Variants in GSTZ1 observed in about 807,000 individuals in gnomAD.
GSTZ1 encodes the protein glutathione S-transferase zeta 1.
A neutral mutation model predicts 35.9 loss-of-function variants in GSTZ1; 34 were observed. The ratio of observed to expected loss-of-function variants is 0.95; its 90% CI spans 0.72 to 1.26. The LOEUF (loss-of-function observed/expected upper bound fraction) is 1.26, where lower values mean the gene tolerates loss of function less well. Among genes scored for constraint, GSTZ1 ranks in the 50% most tolerant of loss-of-function variants. The pLI is 0.00. For synonymous variants in GSTZ1, 93 were observed against 101.2 expected (o/e 0.92, Z 0.49); for missense variants, 263 against 271.7 (o/e 0.97, Z 0.23).
chr14:77,322,627 A>C, intron 1 of GSTZ1: 1 of 984,816 alleles, frequency 1.0e-6, no homozygotes. Context: ...GCATCTCCAA[A>C]TAAGGAAGAT....
rs537315946 is a variant in GSTZ1 at position 77,324,815 on chromosome 14, A to G, written c.16-55A>G. ...AGGAAGAAATGGTTGACTCCTCCCA[A>G]GCTGGAGCCCACCCAGCATGGGTTA... On this transcript the variant is annotated intron_variant, in intron 1 of 8. Coordinates refer to ENST00000216465, the MANE Select transcript of GSTZ1 (RefSeq NM_145870.3). 2.1e-5 allele frequency: 33 copies of G among 1,534,986 alleles called. No homozygotes were observed. In the African/African-American group the frequency reaches 3.9e-4, roughly 18 times the overall value.
chr14:77,331,173 C>T lies in GSTZ1; in HGVS notation c.629C>T (p.Thr210Ile), dbSNP rs761499186. The change falls in exon 9 of 9, where the codon ACA (threonine) becomes ATA (isoleucine). Residue 210 changes from threonine to isoleucine, a missense_variant. Physicochemically the swap from Thr to Ile is moderately conservative, Grantham distance 89. Coordinates refer to ENST00000216465, the MANE Select transcript of GSTZ1 (RefSeq NM_145870.3). The stretch of plus-strand genomic sequence containing the variant: ...TCTCACCCCTGCCGGCAGCCAGATA[C>T]ACCCACTGAGCTGAGGGCCTAGCTC... ...QVSHPCRQPD[T>I]PTELRA is the part of the protein sequence containing the mutation. 10 of 1,613,882 alleles carry T rather than the reference C, an allele frequency of 6.2e-6. 1 individual carries two copies. The Admixed American group carries it at 1.7e-4, about 27-fold the overall frequency.
At chr14:77,330,990 C>G (rs1042401673) in intron 8 of GSTZ1, 79 bp from the exon 9 acceptor site, 1 of 1,438,202 alleles carries the variant, frequency 7.0e-7, no homozygotes, top group Non-Finnish European at 9.6e-7. Context: ...AGCCCTGCCT[C>G]TCTGCTCCCC....
Position 77,324,138 on chromosome 14 carries a change from T to A in GSTZ1, c.16-732T>A, listed in dbSNP as rs186395165. ...AGGAGCGTAAGAAACTTCCTGCGAG[T>A]TGGAAAAAAATGCCTTTTTTTTTTT... On this transcript the variant is annotated intron_variant, in intron 1 of 8. Transcript: ENST00000216465. 2.3e-4 allele frequency: 37 copies of A among 164,194 alleles called. No individual in the cohort carries two copies. In the East Asian group the frequency reaches 5.4e-3, roughly 24 times the overall value. 10.2% of individuals were successfully genotyped at this position (164,194 alleles called of 1,614,324 possible). A position where few individuals can be genotyped will look rare whatever the true frequency, so the allele number is the denominator to read the frequency against.
In GSTZ1 at chr14:77,327,428, A is replaced by C. The variant is rs1258293602; in HGVS notation, c.136-44A>C. 5.3e-6 allele frequency: 7 copies of C among 1,310,398 alleles called. No homozygotes were observed. In the South Asian group the frequency reaches 7.3e-5, roughly 14 times the overall value. The allele number at this position is 1,310,398 out of a possible 1,614,324, so 81.2% of individuals were successfully genotyped here. A position where few individuals can be genotyped will look rare whatever the true frequency, so the allele number is the denominator to read the frequency against. On this transcript the variant is annotated intron_variant, in intron 3 of 8. Transcript: ENST00000216465. ...TGCTTGCTTGGCTTTCCTCTGGCCA[A>C]CTCAGGCCAGGCCACCCAGCCCACC...
intron 8 of GSTZ1, 95 bp from the exon 9 acceptor site, chr14:77,330,974 T>A: frequency 7.9e-7 from 1 of 1,262,210 alleles, no homozygotes; most frequent in Non-Finnish European, 1.1e-6. Context: ...TCCCTCGACC[T>A]CATCCAGCCC....
At chr14:77,330,092 T>A in intron 7 of GSTZ1, 1 of 693,838 alleles carries the variant, frequency 1.4e-6, no homozygotes, top group East Asian at 2.7e-5. Flanking sequence ...ACCCACAGAG[T>A]TGGTTGTCAG....
At chr14:77,329,092 C>T (rs756710006) in intron 5 of GSTZ1, 31 bp from the exon 6 acceptor site, 9 of 1,507,586 alleles carry the variant, frequency 6.0e-6, no homozygotes, top group East Asian at 2.3e-5. Flanking sequence ...CAGCTGTCAG[C>T]GCAATCACAG....
rs1892606683 is a variant in GSTZ1 at position 77,331,111 on chromosome 14, C to T, written c.567C>T (p.Ile189=). 6.8e-6 allele frequency: 11 copies of T among 1,613,722 alleles called. No homozygotes were observed. The highest frequency in any genetic ancestry group is 8.5e-6 in the Non-Finnish European group (10 of 1,179,708). The change falls in exon 9 of 9, where the codon ATC becomes ATT. Residue 189 remains isoleucine, a synonymous_variant. Coordinates refer to ENST00000216465, the MANE Select transcript of GSTZ1 (RefSeq NM_145870.3). ...DLTPYPTISS[I]NKRLLVLEAF... ...CCCCCTACCCTACCATCAGCTCCATCAACAAGAGGCTGCTGGTCTTGGAGG... is the reference window on the plus strand; with the variant it reads ...CCCCCTACCCTACCATCAGCTCCATTAACAAGAGGCTGCTGGTCTTGGAGG...
chr14:77,327,152 G>T lies in GSTZ1; in HGVS notation c.135+247G>T, dbSNP rs1892361481. 3 of 527,326 alleles carry T rather than the reference G, an allele frequency of 5.7e-6. No homozygotes were observed. The Admixed American group carries it at 1.2e-4, about 20-fold the overall frequency. The allele number at this position is 527,326 out of a possible 1,614,324, so 32.7% of individuals were successfully genotyped here. A position where few individuals can be genotyped will look rare whatever the true frequency, so the allele number is the denominator to read the frequency against. On this transcript the variant is annotated intron_variant, in intron 3 of 8. Coordinates refer to ENST00000216465, the MANE Select transcript of GSTZ1 (RefSeq NM_145870.3). ...GCTCTCCAGTGCCTGACCCTGGGAG[G>T]GTGGGTGGCTAGTGGGTCCCCACCC... is the stretch of plus-strand genomic sequence containing the variant.
chr14:77,326,878 C>CA lies in GSTZ1; in HGVS notation c.110dup (p.Asn37LysfsTer12). 6.2e-7 allele frequency: 1 copy of CA among 1,606,886 alleles called. No homozygotes were observed. Among genetic ancestry groups the CA allele is most frequent in the Non-Finnish European group, 8.5e-7 (1 of 1,175,960 alleles). ...GCATCGACTACGAGACGGTGCCCAT[C>CA]AATCTCATAAAGGATGGGGGCCAAC... On this transcript the variant is annotated frameshift_variant, in exon 3 of 9. Transcript: ENST00000216465. LOFTEE classifies it high-confidence loss of function.
intron 5 of GSTZ1, 50 bp from the exon 6 acceptor site, chr14:77,329,073 G>A (rs1370696999): frequency 3.0e-6 from 4 of 1,311,652 alleles, no homozygotes; most frequent in African/African-American, 1.4e-5. Flanking sequence ...CGAAGGGGTA[G>A]CCCCCACCCA....
At chr14:77,329,285 A>G (rs1328143379) in intron 6 of GSTZ1, 84 bp downstream of exon 6, 8 of 940,966 alleles carry the variant, frequency 8.5e-6, no homozygotes, top group Non-Finnish European at 1.2e-5. Flanking sequence ...TATCTGAACC[A>G]GCCTCCCAGG....
At chr14:77,323,125 C>T (rs1330231526) in intron 1 of GSTZ1, 1 of 152,004 alleles carries the variant, frequency 6.6e-6, no homozygotes, top group African/African-American at 2.4e-5. Flanking sequence ...GATCGCACAC[C>T]CAGCTGCCCC....
At chr14:77,328,841 C>T (rs1034866027) in intron 5 of GSTZ1, 9 of 481,632 alleles carry the variant, frequency 1.9e-5, no homozygotes, top group South Asian at 4.4e-5. Context: ...CAGCCATGGC[C>T]GCGTCCTGTG....
At position 77,331,417 on chromosome 14, in the gene GSTZ1, T is replaced by C; in HGVS notation, c.*222T>C. The C allele has an allele frequency of 1.9e-6, 1 of 516,134 alleles. No individual in the cohort carries two copies. The highest frequency in any genetic ancestry group is 3.4e-6 in the Non-Finnish European group (1 of 290,870). 32.0% of individuals were successfully genotyped at this position (516,134 alleles called of 1,614,324 possible). ...GGAGCAGGGTGGGCAGGAATACTGTTATCTATGTGACGGGGCAGTCGTGAG... is the reference window on the plus strand; with the variant it reads ...GGAGCAGGGTGGGCAGGAATACTGTCATCTATGTGACGGGGCAGTCGTGAG... On this transcript the variant is annotated 3_prime_UTR_variant, in exon 9 of 9. Transcript: ENST00000216465.
intron 1 of GSTZ1, chr14:77,323,410 G>A (rs984875430): frequency 3.3e-5 from 5 of 152,040 alleles, no homozygotes; most frequent in African/African-American, 1.2e-4. Flanking sequence ...GCAGTGACAC[G>A]ATCTTGGCTC....
chr14:77,327,394 G>A (rs761277853), intron 3 of GSTZ1, 78 bp from the exon 4 acceptor site: 3 of 832,642 alleles, frequency 3.6e-6, no homozygotes, highest in Non-Finnish European at 6.1e-6. Context: ...GGCAGGCCTG[G>A]GGTTCTCCTG....
intron 4 of GSTZ1, 102 bp downstream of exon 4, chr14:77,327,654 A>G: frequency 5.9e-6 from 5 of 845,704 alleles, no homozygotes; most frequent in African/African-American, 1.7e-5. Context: ...TGCCTAGCAC[A>G]TAGGAGAGGC....
Sources: allele counts gnomAD v4.1 joint callset, GRCh38; gene constraint gnomAD v4.1.1; transcripts MANE v1.5; gene names NCBI Gene and HGNC (gene_info 2026-07-23, HGNC 2026-07-21).